NNT: variants seen among roughly 807,000 people sequenced by gnomAD.
NNT encodes NAD(P) transhydrogenase, mitochondrial.
A neutral mutation model predicts 104.8 loss-of-function variants in NNT; 50 were observed. The observed-to-expected ratio is 0.48, with a 90% confidence interval of 0.38 to 0.60. The LOEUF is 0.60. Among genes scored for constraint, NNT ranks in the 20% least tolerant of loss-of-function variants. The probability of loss-of-function intolerance (pLI) is 0.00; values close to 1 mark genes in which losing one functional copy is unlikely to be tolerated. For synonymous variants in NNT, 461 were observed against 490.4 expected (o/e 0.94, Z 0.79); for missense variants, 1,131 against 1,330.7 (o/e 0.85, Z 2.33).
chr5:43,692,812 G>A (rs1416415806), intron 19 of NNT, among the ~76,000 whole-genome samples: 1 of 152,170 alleles, frequency 6.6e-6, no homozygotes. Flanking sequence ...ACTTTCTGCA[G>A]TGGGTTATAA....
chr5:43,655,913 T>A lies in NNT; in HGVS notation c.2133T>A (p.Gly711=). The part of the protein sequence containing the change: ...QLVAAFHSLV[G]LAAVLTCIAE... The stretch of plus-strand genomic sequence containing the variant: ...TTGCTGCTTTTCACAGTTTAGTGGG[T>A]TTGGCAGCTGTACTTACTTGCATAG... The change falls in exon 15 of 22, where the codon GGT becomes GGA. Residue 711 remains glycine, a synonymous_variant. Coordinates refer to ENST00000344920, the MANE Select transcript of NNT (RefSeq NM_182977.3). The A allele has an allele frequency of 1.2e-6, 2 of 1,614,210 alleles. No individual in the cohort carries two copies. Among genetic ancestry groups the A allele is most frequent in the Non-Finnish European group, 1.7e-6 (2 of 1,180,040 alleles).
intron 1 of NNT, among the ~76,000 whole-genome samples, chr5:43,606,145 A>G (rs896458337): frequency 6.6e-6 from 1 of 152,160 alleles, no homozygotes. Context: ...ACAGGACTCT[A>G]TTAAAGCTCA....
Position 43,659,153 on chromosome 5 carries a change from A to G in NNT, c.2455-18A>G, listed in dbSNP as rs1309358729. The G allele has an allele frequency of 6.5e-7, 1 of 1,538,116 alleles. No homozygotes were observed. Among genetic ancestry groups the G allele is most frequent in the Non-Finnish European group, 8.8e-7 (1 of 1,140,752 alleles). ...TTTATGTTATTAATTTTGAGTTCTG[A>G]TTTGATTGTTGTTCTAGGGTGTGAC... On this transcript the variant is annotated intron_variant, in intron 16 of 21. Transcript: ENST00000344920.
intron 19 of NNT, among the ~76,000 whole-genome samples, chr5:43,698,406 T>C (rs1742674871): frequency 6.6e-6 from 1 of 152,092 alleles, no homozygotes; most frequent in African/African-American, 2.4e-5. Context: ...GTTAGGTGAA[T>C]TGATGTGTCT....
At position 43,616,073 on chromosome 5, in the gene NNT, CT is replaced by C; in HGVS notation, c.599+12del. The C allele has an allele frequency of 6.2e-7, 1 of 1,608,924 alleles. No individual in the cohort carries two copies. Among genetic ancestry groups the C allele is most frequent in the South Asian group, 1.1e-5 (1 of 90,472 alleles). On this transcript the variant is annotated intron_variant, in intron 4 of 21. Coordinates refer to ENST00000344920, the MANE Select transcript of NNT (RefSeq NM_182977.3). ...CATGGCCAACATTGCGGGGTAGGTT[CT>C]TTTCCATTTCAATTGAACAAAAGCG...
intron 6 of NNT, among the ~76,000 whole-genome samples, chr5:43,625,366 A>T (rs944280653): frequency 3.3e-5 from 5 of 152,126 alleles, no homozygotes; most frequent in Admixed American, 3.3e-4. Context: ...ACAAAAACTC[A>T]ATTTTTCTTT....
At chr5:43,697,588 T>G (rs746571585) in intron 19 of NNT, among the ~76,000 whole-genome samples, 1 of 152,236 alleles carries the variant, frequency 6.6e-6, no homozygotes, top group Non-Finnish European at 1.5e-5. Context: ...TTCATGCTGC[T>G]GATAAAGACA....
In NNT at chr5:43,643,781, C is replaced by G. The variant is rs141330750; in HGVS notation, c.965-411C>G. On this transcript the variant is annotated intron_variant, in intron 7 of 21. Coordinates refer to ENST00000344920, the MANE Select transcript of NNT (RefSeq NM_182977.3). ...TTCATAAATTAGTATTAACTGTACT[C>G]TTGACATTGGTGACCTTTACGAATT... is the stretch of plus-strand genomic sequence containing the variant. Among the ~76,000 whole-genome samples the G allele has an allele frequency of 3.7e-3, 557 of 152,330 alleles. 8 individuals are homozygous for G. The highest frequency in any genetic ancestry group is 0.013 in the African/African-American group (530 of 41,564).
chr5:43,662,840 G>A (rs1274903338), intron 17 of NNT, among the ~76,000 whole-genome samples: 2 of 151,170 alleles, frequency 1.3e-5, no homozygotes, highest in African/African-American at 2.4e-5. Flanking sequence ...GCTGCAATGA[G>A]CTGTGATTGT....
At chr5:43,662,716 A>C (rs1437379230) in intron 17 of NNT, among the ~76,000 whole-genome samples, 1 of 152,128 alleles carries the variant, frequency 6.6e-6, no homozygotes, top group Non-Finnish European at 1.5e-5. Context: ...AACATGATAA[A>C]ACCCTGTCTC....
chr5:43,613,956 T>C (rs1749641905), intron 3 of NNT, among the ~76,000 whole-genome samples: 1 of 152,232 alleles, frequency 6.6e-6, no homozygotes. Context: ...CAGGTGGTTT[T>C]TGCTAAAGTT....
intron 5 of NNT, among the ~76,000 whole-genome samples, chr5:43,621,152 T>C (rs1380953533): frequency 6.6e-6 from 1 of 152,262 alleles, no homozygotes; most frequent in African/African-American, 2.4e-5. Flanking sequence ...AGAACAAGTT[T>C]GTTCAAGCCG....
intron 17 of NNT, among the ~76,000 whole-genome samples, chr5:43,664,692 A>T (rs992571431): frequency 6.6e-6 from 1 of 152,196 alleles, no homozygotes; most frequent in Non-Finnish European, 1.5e-5. Flanking sequence ...AATCTCTGGA[A>T]CAGTGGTCAT....
At chr5:43,620,858 T>G (rs1750049137) in intron 5 of NNT, among the ~76,000 whole-genome samples, 1 of 152,232 alleles carries the variant, frequency 6.6e-6, no homozygotes, top group Admixed American at 6.5e-5. Flanking sequence ...CTACTAATTT[T>G]GGTTATAATC....
chr5:43,633,419 T>C (rs1349932360), intron 7 of NNT, among the ~76,000 whole-genome samples: 2 of 152,236 alleles, frequency 1.3e-5, no homozygotes, highest in Admixed American at 6.5e-5. Flanking sequence ...TTGCACATAT[T>C]GCTCCTTCTC....
chr5:43,642,051 A>G (rs763261710), intron 7 of NNT, among the ~76,000 whole-genome samples: 31 of 152,360 alleles, frequency 2.0e-4, no homozygotes, highest in Non-Finnish European at 3.4e-4. Context: ...TGGATGTCTC[A>G]GGAGAAAGAA....
In NNT at chr5:43,645,391, A is replaced by C. The variant is rs1198824985; in HGVS notation, c.1325A>C (p.Lys442Thr). ...GTGATTTTCCCAGCTCCCACACCGA[A>C]AAATATTCCTCAAGGTGCCCCAGTA... ...GKVIFPAPTP[K>T]NIPQGAPVKQ... Residue 442 changes from lysine (K) to threonine (T), a missense_variant, in exon 10 of 22, where the codon AAA becomes ACA. Coordinates refer to ENST00000344920, the MANE Select transcript of NNT (RefSeq NM_182977.3). The C allele has an allele frequency of 6.4e-7, 1 of 1,563,672 alleles. No homozygotes were observed.
At chr5:43,650,714 T>G (rs6862487) in intron 12 of NNT, 127 bp downstream of exon 12, 35,967 of 611,644 alleles carry the variant, frequency 0.059, 1,478 homozygotes, top group African/African-American at 0.14. Flanking sequence ...AATGCTCTTT[T>G]TGCAGGAAAA....
intron 17 of NNT, among the ~76,000 whole-genome samples, chr5:43,670,431 T>G (rs1245258208): frequency 6.6e-6 from 1 of 152,230 alleles, no homozygotes; most frequent in Non-Finnish European, 1.5e-5. Flanking sequence ...TGCTATAAAT[T>G]TCCCTCTACG....
Sources: allele counts gnomAD v4.1 joint callset (sites outside exome capture counted in the v4.1 genomes callset), GRCh38; gene constraint gnomAD v4.1.1; transcripts MANE v1.5; gene names NCBI Gene and HGNC (gene_info 2026-07-23, HGNC 2026-07-21).